HDAC4: variants seen among roughly 807,000 people sequenced by gnomAD.
HDAC4 encodes the protein histone deacetylase 4.
HDAC4 carries 16 observed loss-of-function variants against 135.1 expected under a neutral mutation model. That is an observed-to-expected ratio of 0.12 (90% CI 0.08 to 0.18). The LOEUF (loss-of-function observed/expected upper bound fraction) is 0.18. HDAC4 is among the 10% of genes least tolerant of loss of function. HDAC4 has a pLI of 1.00. For synonymous variants in HDAC4, 685 were observed against 653.4 expected (o/e 1.05, Z -0.74); for missense variants, 1,143 against 1,511.8 (o/e 0.76, Z 4.05).
intron 2 of HDAC4, among the ~76,000 whole-genome samples, chr2:239,278,382 A>G (rs2050514173): frequency 6.6e-6 from 1 of 152,242 alleles, no homozygotes; most frequent in Non-Finnish European, 1.5e-5. Context: ...TTAAAATGTA[A>G]AAACATATTT....
chr2:239,251,488 G>A (rs2048782010), intron 2 of HDAC4, among the ~76,000 whole-genome samples: 2 of 152,128 alleles, frequency 1.3e-5, no homozygotes, highest in Non-Finnish European at 2.9e-5. Context: ...CCAGCTACTT[G>A]GGAGGCTGAG....
rs909084937 is a variant in HDAC4, at chr2:239,094,232, C to T, written c.2280+778G>A. 12 of 985,326 alleles carry T rather than the reference C, an allele frequency of 1.2e-5. No homozygotes were observed. In the African/African-American group the frequency reaches 1.9e-4, roughly 16 times the overall value. 61.0% of individuals were successfully genotyped at this position (985,326 alleles called of 1,614,324 possible). A position where few individuals can be genotyped will look rare whatever the true frequency, so the allele number is the denominator to read the frequency against. ...TCCGCCTCAGCTTCTCATGGCCGCC[C>T]TCGCTATTGCCACCCCTGCCCAGGC... On this transcript the variant is annotated intron_variant, in intron 17 of 26. Coordinates refer to ENST00000543185, the MANE Select transcript of HDAC4 (RefSeq NM_001378414.1).
chr2:239,237,274 A>T (rs2047938487), intron 2 of HDAC4, among the ~76,000 whole-genome samples: 1 of 152,106 alleles, frequency 6.6e-6, no homozygotes, highest in East Asian at 1.9e-4. Flanking sequence ...ACTGGAACCC[A>T]CCCACCACCT....
At chr2:239,214,245 G>A (rs928476440) in intron 3 of HDAC4, among the ~76,000 whole-genome samples, 2 of 152,128 alleles carry the variant, frequency 1.3e-5, no homozygotes, top group Admixed American at 1.3e-4. Flanking sequence ...CATGTCCCCT[G>A]GCTCCTGGTC....
At chr2:239,189,204 A>G (rs1290723635) in intron 4 of HDAC4, among the ~76,000 whole-genome samples, 1 of 152,254 alleles carries the variant, frequency 6.6e-6, no homozygotes, top group East Asian at 1.9e-4. Flanking sequence ...ATGGTTCTAA[A>G]TGCAGTGACA....
At chr2:239,202,591 G>A (rs917194264) in intron 3 of HDAC4, among the ~76,000 whole-genome samples, 1 of 152,144 alleles carries the variant, frequency 6.6e-6, no homozygotes, top group Non-Finnish European at 1.5e-5. Flanking sequence ...AGGACTCTGG[G>A]AGAAGGGCTG....
Position 239,108,033 on chromosome 2 carries a change from G to C in HDAC4, c.2112+17C>G. 3 of 1,610,500 alleles carry C rather than the reference G, an allele frequency of 1.9e-6. No homozygotes were observed. The highest frequency in any genetic ancestry group is 1.7e-6 in the Non-Finnish European group (2 of 1,179,760). On this transcript the variant is annotated intron_variant, in intron 15 of 26. Transcript: ENST00000543185. ...TGCCCAAAGCCGCAGCTGCCCACCT[G>C]CCCCGGTCGGCGTTACCTCGCATTT...
At chr2:239,162,010 C>CGTCCACT in intron 6 of HDAC4, 1 of 417,052 alleles carries the variant, frequency 2.4e-6, no homozygotes, top group Non-Finnish European at 4.9e-6. Context: ...CTCGGCCCCC[C>CGTCCACT]GTCCACTGTC....
chr2:239,179,925 T>C (rs1272992707), intron 4 of HDAC4, among the ~76,000 whole-genome samples: 1 of 152,306 alleles, frequency 6.6e-6, no homozygotes, highest in South Asian at 2.1e-4. Context: ...TGCACCCAAG[T>C]GTGCGTTCTG....
At chr2:239,230,429 C>T (rs1171292080) in intron 3 of HDAC4, among the ~76,000 whole-genome samples, 1 of 150,274 alleles carries the variant, frequency 6.7e-6, no homozygotes, top group Non-Finnish European at 1.5e-5. Context: ...ACATGACCGT[C>T]CTGGCCAATC....
chr2:239,205,924 A>G (rs2046018709), intron 3 of HDAC4, among the ~76,000 whole-genome samples: 1 of 152,200 alleles, frequency 6.6e-6, no homozygotes, highest in Non-Finnish European at 1.5e-5. Flanking sequence ...GTAACGTTTC[A>G]CCTTAACTGC....
rs764451967 is a variant in HDAC4 at position 239,095,038 on chromosome 2, A to G, written c.2252T>C (p.Phe751Ser). Residue 751 changes from phenylalanine to serine, a missense_variant, in exon 17 of 27, where the codon TTC becomes TCC. Around this residue, in one of 9 missense-constraint regions of HDAC4, gnomAD observed 49 missense variants for 55.6 expected, o/e 0.88. Transcript: ENST00000543185. ...KKLLGSLASV[F>S]VRLPCGGVGV... The stretch of plus-strand genomic sequence containing the variant: ...AACACCACCGCAAGGGAGCCGGACG[A>G]ACACGGAGGCGAGCGAGCCTGTGGG... 2 of 1,613,766 alleles carry G rather than the reference A, an allele frequency of 1.2e-6. No individual in the cohort carries two copies. Among genetic ancestry groups the G allele is most frequent in the Non-Finnish European group, 1.7e-6 (2 of 1,180,012 alleles).
intron 2 of HDAC4, among the ~76,000 whole-genome samples, chr2:239,346,000 G>C (rs1229794330): frequency 7.6e-6 from 1 of 132,160 alleles, no homozygotes; most frequent in Non-Finnish European, 1.5e-5. Context: ...TCACACACTT[G>C]CACTCACTCT....
chr2:239,364,884 G>A (rs1694087247), intron 1 of HDAC4, among the ~76,000 whole-genome samples: 2 of 152,164 alleles, frequency 1.3e-5, no homozygotes. Flanking sequence ...CCTCTTAAAA[G>A]AAACCTCGCA....
At chr2:239,204,187 C>T (rs529964913) in intron 3 of HDAC4, among the ~76,000 whole-genome samples, 3 of 152,292 alleles carry the variant, frequency 2.0e-5, no homozygotes, top group Non-Finnish European at 2.9e-5. Flanking sequence ...CTCCTCTCTG[C>T]GCAGGGCATC....
intron 15 of HDAC4, 132 bp from the exon 16 acceptor site, chr2:239,103,028 G>C: frequency 1.8e-6 from 2 of 1,087,708 alleles, no homozygotes; most frequent in Non-Finnish European, 2.7e-6. Context: ...CATGTTATTT[G>C]GTTACTGCAA....
At chr2:239,384,555 G>C (rs532777429) in intron 1 of HDAC4, among the ~76,000 whole-genome samples, 4 of 151,934 alleles carry the variant, frequency 2.6e-5, no homozygotes, top group Admixed American at 6.5e-5. Context: ...AGGTCAAGGC[G>C]GCAGTGAGCC....
intron 2 of HDAC4, among the ~76,000 whole-genome samples, chr2:239,340,682 A>G (rs1692245807): frequency 6.6e-6 from 1 of 152,186 alleles, no homozygotes. Context: ...TTCAGAAAAG[A>G]ACCACCTGCC....
chr2:239,315,180 G>A (rs373604415), intron 2 of HDAC4, among the ~76,000 whole-genome samples: 8 of 152,064 alleles, frequency 5.3e-5, no homozygotes, highest in Admixed American at 3.9e-4. Flanking sequence ...GAGTTGTCCC[G>A]CGTTTCTGGA....
Sources: allele counts gnomAD v4.1 joint callset (sites outside exome capture counted in the v4.1 genomes callset), GRCh38; gene constraint gnomAD v4.1.1; regional missense constraint gnomAD v4.1.1; transcripts MANE v1.5; gene names NCBI Gene and HGNC (gene_info 2026-07-23, HGNC 2026-07-21).